Variants in CUX2 observed in about 807,000 individuals in gnomAD.
CUX2 encodes the protein homeobox protein cut-like 2.
A neutral mutation model predicts 144.8 loss-of-function variants in CUX2; 40 were observed. The ratio of observed to expected loss-of-function variants is 0.28; its 90% CI spans 0.21 to 0.36. The LOEUF is 0.36. Among genes scored for constraint, CUX2 ranks in the 10% least tolerant of loss-of-function variants. The probability of loss-of-function intolerance (pLI) is 1.00; values close to 1 mark genes in which losing one functional copy is unlikely to be tolerated. For missense variants in CUX2, 1,615 were observed against 1,994.0 expected (o/e 0.81, Z 3.62); for synonymous variants, 827 against 875.6 (o/e 0.94, Z 0.98).
intron 1 of CUX2, among the ~76,000 whole-genome samples, chr12:111,096,051 G>T (rs938313871): frequency 6.6e-6 from 1 of 152,194 alleles, no homozygotes; most frequent in Non-Finnish European, 1.5e-5. Context: ...CAGCAGTGAT[G>T]CTGGGACAAG....
rs766431195 is a variant in CUX2, at chr12:111,306,974, C to A, written c.912C>A (p.Ala304=). ...GCCCTCGGCTGGAGGCCGCGCTGGC[C>A]TCCAAGGACAGGGAGATCCTGCGGC... The part of the protein sequence containing the change: ...CSGPRLEAAL[A]SKDREILRLL... The change falls in exon 11 of 22, where the codon GCC becomes GCA. Residue 304 remains alanine (A), a synonymous_variant. Transcript: ENST00000261726. 6.2e-7 allele frequency: 1 copy of A among 1,613,670 alleles called. No homozygotes were observed. The highest frequency in any genetic ancestry group is 1.1e-5 in the South Asian group (1 of 91,068).
chr12:111,338,689 T>C (rs1888456739), intron 20 of CUX2, among the ~76,000 whole-genome samples: 1 of 152,122 alleles, frequency 6.6e-6, no homozygotes, highest in Non-Finnish European at 1.5e-5. Flanking sequence ...GCATGGGTAG[T>C]CCTGGCTGCT....
At chr12:111,288,365 A>G (rs906718333) in intron 4 of CUX2, among the ~76,000 whole-genome samples, 2 of 152,086 alleles carry the variant, frequency 1.3e-5, no homozygotes, top group Non-Finnish European at 2.9e-5. Context: ...AGGTTGCTAC[A>G]TTTATGGTGA....
At chr12:111,254,313 T>C (rs1231103755) in intron 3 of CUX2, among the ~76,000 whole-genome samples, 2 of 152,084 alleles carry the variant, frequency 1.3e-5, no homozygotes, top group Non-Finnish European at 2.9e-5. Flanking sequence ...GAGGGCTGGC[T>C]TGATTCCCTG....
At chr12:111,151,049 T>C (rs1877020822) in intron 1 of CUX2, among the ~76,000 whole-genome samples, 1 of 152,214 alleles carries the variant, frequency 6.6e-6, no homozygotes, top group Non-Finnish European at 1.5e-5. Flanking sequence ...ATGTAATTTT[T>C]ATCTCTTGAC....
rs1879792748 is a variant in CUX2 at position 111,190,186 on chromosome 12, T to C, written c.64-24014T>C. 6.6e-6 allele frequency among the ~76,000 whole-genome samples: 1 copy of C among 152,200 alleles called. No homozygotes were observed. The highest frequency in any genetic ancestry group is 2.1e-4 in the South Asian group (1 of 4,826). ...TTCTATTTGATCATCTCTTCCTTAC[T>C]GAATTTTTAGGAGTGCTTGATTCTG... On this transcript the variant is annotated intron_variant, in intron 1 of 21. Coordinates refer to ENST00000261726, the MANE Select transcript of CUX2 (RefSeq NM_015267.4). The surrounding 1 kb of genome is among the most constrained non-coding windows in gnomAD (Gnocchi z 4.0).
Position 111,312,053 on chromosome 12 carries a change from G to A in CUX2, c.1901-47G>A. 1 of 1,559,986 alleles carries A rather than the reference G, an allele frequency of 6.4e-7. No homozygotes were observed. Among genetic ancestry groups the A allele is most frequent in the Non-Finnish European group, 8.8e-7 (1 of 1,139,140 alleles). On this transcript the variant is annotated intron_variant, in intron 15 of 21. Transcript: ENST00000261726. The surrounding 1 kb of genome is among the most constrained non-coding windows in gnomAD (Gnocchi z 4.3). ...CCTACCCCACCAGGCTCCGGAGACT[G>A]AGCCCAACATGCAGATCCTGCCACA...
intron 4 of CUX2, among the ~76,000 whole-genome samples, chr12:111,273,838 C>T (rs1314316395): frequency 9.2e-5 from 14 of 152,182 alleles, no homozygotes; most frequent in Admixed American, 9.2e-4. Flanking sequence ...ATGACCTCCC[C>T]TCATTATAAG....
At chr12:111,258,207 C>T (rs142010514) in intron 3 of CUX2, among the ~76,000 whole-genome samples, 17 of 152,202 alleles carry the variant, frequency 1.1e-4, no homozygotes, top group African/African-American at 4.1e-4. Context: ...AGTACCAGGT[C>T]AGGCTCTGAT....
intron 1 of CUX2, among the ~76,000 whole-genome samples, chr12:111,102,157 G>T (rs1873291054): frequency 6.6e-6 from 1 of 152,202 alleles, no homozygotes; most frequent in Non-Finnish European, 1.5e-5. Context: ...CATGCCCGAG[G>T]CATCGTGGTA....
intron 1 of CUX2, among the ~76,000 whole-genome samples, chr12:111,148,724 G>C (rs752154114): frequency 1.3e-5 from 2 of 152,098 alleles, no homozygotes; most frequent in African/African-American, 4.8e-5. Flanking sequence ...GGCTGGGCCC[G>C]GTGGCTTACA....
intron 1 of CUX2, among the ~76,000 whole-genome samples, chr12:111,168,955 C>G (rs1263013362): frequency 6.6e-6 from 1 of 152,064 alleles, no homozygotes; most frequent in Non-Finnish European, 1.5e-5. Flanking sequence ...TGCCTGCCCC[C>G]TCCCCCCACT....
Position 111,088,575 on chromosome 12 carries a change from G to A in CUX2, c.63+54335G>A, listed in dbSNP as rs187080413. 9.2e-5 allele frequency among the ~76,000 whole-genome samples: 14 copies of A among 152,278 alleles called. No homozygotes were observed. The South Asian group carries it at 1.7e-3, about 18-fold the overall frequency. On this transcript the variant is annotated intron_variant, in intron 1 of 21. Transcript: ENST00000261726. ...GCGGACTGAATCCCTACGATGTGACGCTTTAACTCTAGTCTTCATAGGAGC... is the reference window on the plus strand; with the variant it reads ...GCGGACTGAATCCCTACGATGTGACACTTTAACTCTAGTCTTCATAGGAGC...
chr12:111,222,499 C>T (rs1239580821), intron 3 of CUX2, among the ~76,000 whole-genome samples: 1 of 152,172 alleles, frequency 6.6e-6, no homozygotes, highest in African/African-American at 2.4e-5. Flanking sequence ...TGGATTGGAA[C>T]AGAGACATTC....
chr12:111,041,356 C>T (rs1185786959), intron 1 of CUX2, among the ~76,000 whole-genome samples: 27 of 152,274 alleles, frequency 1.8e-4, no homozygotes, highest in South Asian at 2.1e-4. Flanking sequence ...TAAACAGCAG[C>T]GGCTGGAACT....
chr12:111,195,001 A>T, intron 1 of CUX2, among the ~76,000 whole-genome samples: 1 of 152,172 alleles, frequency 6.6e-6, no homozygotes. Flanking sequence ...GATGTTCTGG[A>T]GACCCACATG....
At chr12:111,130,800 G>A (rs551931355) in intron 1 of CUX2, among the ~76,000 whole-genome samples, 1 of 152,246 alleles carries the variant, frequency 6.6e-6, no homozygotes, top group South Asian at 2.1e-4. Flanking sequence ...GCCACCTTTT[G>A]GTCCATGTTT....
chr12:111,130,825 A>AAC (rs1875422392), intron 1 of CUX2, among the ~76,000 whole-genome samples: 1 of 152,238 alleles, frequency 6.6e-6, no homozygotes, highest in South Asian at 2.1e-4. Flanking sequence ...CAACCAACCC[A>AAC]ACACATGGTT....
At position 111,134,592 on chromosome 12, in the gene CUX2, C is replaced by CTT. The variant is rs1466418450; in HGVS notation, c.64-79606_64-79605dup. 2.4e-4 allele frequency among the ~76,000 whole-genome samples: 36 copies of CTT among 148,254 alleles called. No homozygotes were observed. The South Asian group carries it at 5.9e-3, about 24-fold the overall frequency. On this transcript the variant is annotated intron_variant, in intron 1 of 21. Coordinates refer to ENST00000261726, the MANE Select transcript of CUX2 (RefSeq NM_015267.4). ...CAGAGAAACAGAACCAATAAGATCT[C>CTT]TTTCTCTCTCTCTCTCTCTCTCTCT...
Sources: allele counts gnomAD v4.1 joint callset (sites outside exome capture counted in the v4.1 genomes callset), GRCh38; gene constraint gnomAD v4.1.1; non-coding constraint Gnocchi (gnomAD v3.1); transcripts MANE v1.5; gene names NCBI Gene and HGNC (gene_info 2026-07-23, HGNC 2026-07-21).